Variants in ERBIN observed in about 807,000 individuals in gnomAD.
The protein encoded by ERBIN is erbb2 interacting protein, also known as densin-180-like protein.
Under a neutral mutation model 158.4 loss-of-function variants are expected in ERBIN, and 60 were observed. The observed-to-expected ratio is 0.38, with a 90% CI of 0.31 to 0.47. ERBIN has a LOEUF of 0.47. Among genes scored for constraint, ERBIN ranks in the 20% least tolerant of loss-of-function variants. The pLI, the probability that ERBIN is intolerant of heterozygous loss-of-function variation, is 0.99. For missense variants in ERBIN, 1,610 were observed against 1,648.0 expected, an observed-to-expected ratio of 0.98 and a Z score of 0.40; for synonymous variants, 594 against 557.2, an observed-to-expected ratio of 1.07 and a Z score of -0.93.
intron 20 of ERBIN, among the ~76,000 whole-genome samples, 168 bp downstream of exon 20, chr5:66,051,134 T>C (rs547239193): frequency 1.1e-4 from 17 of 152,314 alleles, no homozygotes; most frequent in African/African-American, 3.6e-4. Context: ...TTTTTATACA[T>C]TTCCATCTTA....
chr5:66,068,544 C>G (rs1282773251), intron 21 of ERBIN, among the ~76,000 whole-genome samples: 2 of 152,076 alleles, frequency 1.3e-5, no homozygotes, highest in African/African-American at 2.4e-5. Flanking sequence ...ACACATACAT[C>G]AGCATATGGC....
chr5:66,024,928 T>C (rs1312756788), intron 10 of ERBIN, among the ~76,000 whole-genome samples: 1 of 152,146 alleles, frequency 6.6e-6, no homozygotes, highest in Non-Finnish European at 1.5e-5. Flanking sequence ...TTTGATGTTT[T>C]AATTTAAAAA....
rs753068744 is a variant in ERBIN at position 66,075,093 on chromosome 5, C to T, written c.3826C>T (p.Pro1276Ser). ...PQANYSQIHH[P>S]PQASVARHPS... ...GGCAAATTATAGTCAAATACATCAC[C>T]CCCCTCAGGCATCTGTGGCAAGGCA... The change falls in exon 23 of 26, where the codon CCC becomes TCC. Residue 1276 changes from proline to serine, a missense_variant. By Grantham distance (74) the Pro-to-Ser change is moderately conservative (BLOSUM62 -1). Coordinates refer to ENST00000284037, the MANE Select transcript of ERBIN (RefSeq NM_001253697.2). 12 of 1,613,994 alleles carry T rather than the reference C, an allele frequency of 7.4e-6. No individual in the cohort carries two copies. The highest frequency in any genetic ancestry group is 4.2e-6 in the Non-Finnish European group (5 of 1,180,024).
At chr5:65,931,033 G>C (rs1343847893) in intron 1 of ERBIN, among the ~76,000 whole-genome samples, 1 of 141,600 alleles carries the variant, frequency 7.1e-6, no homozygotes, top group Non-Finnish European at 1.5e-5. Context: ...AATTCACTTT[G>C]TGGAAGACGA....
At chr5:65,978,316 A>G (rs1454200909) in intron 1 of ERBIN, among the ~76,000 whole-genome samples, 1 of 152,030 alleles carries the variant, frequency 6.6e-6, no homozygotes, top group African/African-American at 2.4e-5. Flanking sequence ...TTCATGGTTA[A>G]TTCTGTCTGA....
chr5:66,010,246 C>T (rs1181831689), intron 4 of ERBIN, among the ~76,000 whole-genome samples: 1 of 152,008 alleles, frequency 6.6e-6, no homozygotes, highest in African/African-American at 2.4e-5. Context: ...AATTTGGATT[C>T]GTTTGGTGCT....
chr5:65,957,753 GC>G (rs1295928108), intron 1 of ERBIN, among the ~76,000 whole-genome samples: 1 of 152,262 alleles, frequency 6.6e-6, no homozygotes, highest in African/African-American at 2.4e-5. Context: ...TGGGGTGGAG[GC>G]CGGGCAGAGG....
chr5:65,997,065 A>G (rs903338357), intron 4 of ERBIN, among the ~76,000 whole-genome samples: 2 of 152,182 alleles, frequency 1.3e-5, no homozygotes, highest in African/African-American at 4.8e-5. Context: ...GTTGTCTGCA[A>G]ATAGGGACAC....
chr5:65,992,814 C>A lies in ERBIN; in HGVS notation c.96C>A (p.Cys32Ter), dbSNP rs1394475760. The A allele has an allele frequency of 6.2e-7, 1 of 1,613,296 alleles. No individual in the cohort carries two copies. The change falls in exon 3 of 26, where the codon TGC becomes TGA. Residue 32 changes from cysteine to a stop codon, truncating the protein, a stop_gained. Transcript: ENST00000284037. LOFTEE classifies it high-confidence loss of function. ...ETVTTLDYSHCSLEQVPKEIF... is the reference protein window; with the variant it reads ...ETVTTLDYSH ...TCACTACTCTTGATTATTCTCATTG[C>A]AGCTTAGAACAAGTTCCGAAAGAGA... is the stretch of plus-strand genomic sequence containing the variant.
intron 4 of ERBIN, among the ~76,000 whole-genome samples, chr5:65,995,410 TTAACA>T (rs1467556505): frequency 4.5e-4 from 68 of 151,898 alleles, no homozygotes; most frequent in African/African-American, 1.6e-3. Context: ...CTTGTTTTAC[TTAACA>T]TAATATCCTC....
intron 4 of ERBIN, among the ~76,000 whole-genome samples, chr5:66,011,393 A>G (rs1754179982): frequency 6.6e-6 from 1 of 152,200 alleles, no homozygotes; most frequent in Non-Finnish European, 1.5e-5. Flanking sequence ...CCAGCATTTA[A>G]AAAAACAATC....
intron 1 of ERBIN, among the ~76,000 whole-genome samples, chr5:65,946,875 A>G (rs1323592660): frequency 6.6e-6 from 1 of 151,368 alleles, no homozygotes; most frequent in African/African-American, 2.4e-5. Context: ...GCCTTTTCCT[A>G]ATGGCTAATA....
chr5:66,054,168 T>A lies in ERBIN; in HGVS notation c.2850T>A (p.His950Gln). The A allele has an allele frequency of 6.2e-7, 1 of 1,614,188 alleles. No homozygotes were observed. The highest frequency in any genetic ancestry group is 8.5e-7 in the Non-Finnish European group (1 of 1,180,034). ...CAATTTTCAAGTTTGATTCAAATCA[T>A]AATCCCGAAGAGCCAAATATAATAA... Reference protein sequence around the residue: ...TKAIFKFDSNHNPEEPNIIRG... With the variant: ...TKAIFKFDSNQNPEEPNIIRG... Residue 950 changes from histidine to glutamine, a missense_variant, in exon 21 of 26, where the codon CAT becomes CAA. Coordinates refer to ENST00000284037, the MANE Select transcript of ERBIN (RefSeq NM_001253697.2).
chr5:66,025,150 G>A (rs527937332), intron 10 of ERBIN, among the ~76,000 whole-genome samples: 20 of 152,102 alleles, frequency 1.3e-4, no homozygotes, highest in South Asian at 1.0e-3. Context: ...TAACAAGTTT[G>A]TATTGTCTGT....
chr5:65,940,250 G>T (rs1311010705), intron 1 of ERBIN, among the ~76,000 whole-genome samples: 14 of 151,402 alleles, frequency 9.2e-5, no homozygotes, highest in Admixed American at 2.0e-4. Context: ...CCCCGTCTGG[G>T]AGGTGAGGAG....
chr5:66,043,001 A>G, intron 15 of ERBIN, 76 bp from the exon 16 acceptor site: 1 of 1,142,566 alleles, frequency 8.8e-7, no homozygotes, highest in South Asian at 1.4e-5. Context: ...TAACTCATAC[A>G]GAAATTATGA....
chr5:66,025,613 C>CA, intron 11 of ERBIN, 61 bp downstream of exon 11: 1 of 1,271,818 alleles, frequency 7.9e-7, no homozygotes, highest in Non-Finnish European at 1.1e-6. Flanking sequence ...GCATGCCATA[C>CA]ATATTTTCAG....
chr5:66,026,194 T>C (rs1300743941), intron 12 of ERBIN, 108 bp from the exon 13 acceptor site: 6 of 760,842 alleles, frequency 7.9e-6, no homozygotes, highest in South Asian at 4.8e-5. Flanking sequence ...TCATTATTTC[T>C]TCTATAAATG....
In ERBIN at chr5:66,013,633, T is replaced by G. The variant is rs1754429007; in HGVS notation, c.471T>G (p.Phe157Leu). The change falls in exon 6 of 26, where the codon TTT becomes TTG. Residue 157 changes from phenylalanine to leucine, a missense_variant. Physicochemically the swap from Phe to Leu is conservative, Grantham distance 22 (BLOSUM62 0). Coordinates refer to ENST00000284037, the MANE Select transcript of ERBIN (RefSeq NM_001253697.2). The part of the protein sequence containing the change: ...DAFLEFLPAN[F>L]GRLTKLQILE... ...TTCTTGAGTTCTTGCCAGCAAATTTTGGCAGGTAAATTATGGTTTCTTCTA... is the reference window on the plus strand; with the variant it reads ...TTCTTGAGTTCTTGCCAGCAAATTTGGGCAGGTAAATTATGGTTTCTTCTA... 7.5e-6 allele frequency: 12 copies of G among 1,610,394 alleles called. No homozygotes were observed. The highest frequency in any genetic ancestry group is 1.7e-5 in the Admixed American group (1 of 59,970).
Sources: gnomAD v4.1 joint callset for allele counts (sites outside exome capture counted in the v4.1 genomes callset) on GRCh38, gnomAD v4.1.1 for gene constraint, MANE v1.5 for transcripts, NCBI Gene and HGNC (gene_info 2026-07-23, HGNC 2026-07-21) for gene names.